The following NRP1 variants were observed in gnomAD, a reference collection of about 807,000 sequenced individuals.
The protein encoded by NRP1 is neuropilin 1.
Under a neutral mutation model 106.7 loss-of-function variants are expected in NRP1, and 35 were observed. The observed-to-expected ratio is 0.33, with a 90% CI of 0.25 to 0.43. NRP1 has a LOEUF of 0.43. Ranked by LOEUF, NRP1 falls within the 20% of genes least tolerant of loss-of-function variation. The probability of loss-of-function intolerance (pLI) is 1.00; values close to 1 mark genes in which losing one functional copy is unlikely to be tolerated. For synonymous variants in NRP1, 437 were observed against 417.9 expected (o/e 1.05, Z -0.56); for missense variants, 1,024 against 1,170.4 (o/e 0.87, Z 1.83).
chr10:33,257,905 G>C (rs764188712), intron 4 of NRP1, among the ~76,000 whole-genome samples: 1 of 152,180 alleles, frequency 6.6e-6, no homozygotes, highest in South Asian at 2.1e-4. Flanking sequence ...GGTGTGGACT[G>C]TTTTCCCCTC....
chr10:33,319,864 G>A (rs1449023419), intron 2 of NRP1, among the ~76,000 whole-genome samples: 2 of 151,630 alleles, frequency 1.3e-5, no homozygotes, highest in East Asian at 4.0e-4. Flanking sequence ...GGGATTGCAG[G>A]CCTGAGCCAC....
chr10:33,325,985 C>G (rs1847865489), intron 2 of NRP1, among the ~76,000 whole-genome samples: 5 of 152,196 alleles, frequency 3.3e-5, no homozygotes, highest in Admixed American at 3.3e-4. Context: ...CCCAATGCTA[C>G]CACCTTTTTA....
intron 2 of NRP1, among the ~76,000 whole-genome samples, chr10:33,317,802 G>T (rs898363190): frequency 6.6e-6 from 1 of 152,126 alleles, no homozygotes; most frequent in Non-Finnish European, 1.5e-5. Context: ...TCTTCAGAAG[G>T]CTGCCATTAT....
chr10:33,287,954 A>G (rs750197584), intron 2 of NRP1, among the ~76,000 whole-genome samples: 18 of 152,174 alleles, frequency 1.2e-4, no homozygotes, highest in Non-Finnish European at 2.1e-4. Context: ...AGCTGTCTCA[A>G]GATAGAGTGT....
chr10:33,282,114 A>G (rs1286132411), intron 2 of NRP1, among the ~76,000 whole-genome samples: 1 of 146,792 alleles, frequency 6.8e-6, no homozygotes. Context: ...AGCAATTTAT[A>G]TATACCATAG....
chr10:33,314,467 A>G (rs1366514469), intron 2 of NRP1, among the ~76,000 whole-genome samples: 2 of 152,236 alleles, frequency 1.3e-5, no homozygotes, highest in African/African-American at 2.4e-5. Flanking sequence ...AAATAGACAG[A>G]TAACAGAAAC....
chr10:33,332,235 T>G (rs1220111941), intron 1 of NRP1, among the ~76,000 whole-genome samples: 2 of 152,226 alleles, frequency 1.3e-5, no homozygotes, highest in Admixed American at 6.5e-5. Flanking sequence ...CTTATGCTGG[T>G]TTCCTTTGCA....
chr10:33,256,527 C>T, intron 4 of NRP1, 56 bp from the exon 5 acceptor site: 3 of 1,584,288 alleles, frequency 1.9e-6, no homozygotes, highest in Non-Finnish European at 2.6e-6. Flanking sequence ...GCAGCAGATG[C>T]AAGAATTAGC....
rs143901579 is a variant in NRP1, at chr10:33,224,273, G to A, written c.1137+1861C>T. Among the ~76,000 whole-genome samples the A allele has an allele frequency of 6.2e-3, 945 of 152,260 alleles. 15 individuals carry two copies. Among genetic ancestry groups the A allele is most frequent in the African/African-American group, 0.022 (906 of 41,552 alleles). On this transcript the variant is annotated intron_variant, in intron 7 of 16. Coordinates refer to ENST00000374867, the MANE Select transcript of NRP1 (RefSeq NM_003873.7). ...TGTGTGCCAGGGGTTCCCAGGGCAA[G>A]CTGGGGGCACTGTCAAACACCCCTG...
At chr10:33,330,045 G>A (rs757255156) in intron 2 of NRP1, among the ~76,000 whole-genome samples, 9 of 152,190 alleles carry the variant, frequency 5.9e-5, no homozygotes, top group Admixed American at 5.9e-4. Flanking sequence ...GACTAAGCAG[G>A]TGGATGAAAC....
chr10:33,278,246 C>T (rs1158034456), intron 2 of NRP1, among the ~76,000 whole-genome samples: 2 of 152,044 alleles, frequency 1.3e-5, no homozygotes, highest in Non-Finnish European at 2.9e-5. Context: ...CATTGAACTC[C>T]TTCGCCAATC....
intron 3 of NRP1, among the ~76,000 whole-genome samples, chr10:33,265,394 A>C (rs190283619): frequency 6.6e-6 from 1 of 152,328 alleles, no homozygotes; most frequent in East Asian, 1.9e-4. Context: ...GCAAGGATTC[A>C]ATTCTAAATA....
chr10:33,327,165 C>T (rs1050281435), intron 2 of NRP1, among the ~76,000 whole-genome samples: 5 of 152,114 alleles, frequency 3.3e-5, no homozygotes, highest in Admixed American at 3.3e-4. Context: ...CAGGGTGTAT[C>T]ATGTGCAAAT....
chr10:33,284,545 C>T (rs570322218), intron 2 of NRP1, among the ~76,000 whole-genome samples: 19 of 152,234 alleles, frequency 1.2e-4, no homozygotes, highest in African/African-American at 4.3e-4. Flanking sequence ...TTTAAAAATA[C>T]CCCATATTTC....
rs905490659 is a variant in NRP1 at position 33,299,504 on chromosome 10, C to T, written c.249-28648G>A. 1.4e-4 allele frequency among the ~76,000 whole-genome samples: 21 copies of T among 152,120 alleles called. 1 individual carries two copies. Among genetic ancestry groups the T allele is most frequent in the Admixed American group, 8.5e-4 (13 of 15,270 alleles). ...AAAAAATTTGTTACAGGTGACAGGG[C>T]GTGGTGGCTCACACCTGTAATGCCA... On this transcript the variant is annotated intron_variant, in intron 2 of 16. Transcript: ENST00000374867.
At position 33,214,804 on chromosome 10, in the gene NRP1, T is replaced by G. The variant is rs768729682; in HGVS notation, c.1283-1087A>C. On this transcript the variant is annotated intron_variant, in intron 8 of 16. Coordinates refer to ENST00000374867, the MANE Select transcript of NRP1 (RefSeq NM_003873.7). Reference sequence around the variant, plus strand: ...AAAGCAAAATGGTGGTTGCCAGGGCTTGGGGGAAATGGAGATTGGGAGAGT... The same window carrying G: ...AAAGCAAAATGGTGGTTGCCAGGGCGTGGGGGAAATGGAGATTGGGAGAGT... Among the ~76,000 whole-genome samples the G allele has an allele frequency of 9.4e-4, 143 of 152,092 alleles. 1 individual carries two copies. Among genetic ancestry groups the G allele is most frequent in the East Asian group, 9.6e-4 (5 of 5,188 alleles).
intron 15 of NRP1, among the ~76,000 whole-genome samples, 153 bp downstream of exon 15, chr10:33,185,475 T>A (rs1835940981): frequency 6.6e-6 from 1 of 152,212 alleles, no homozygotes; most frequent in African/African-American, 2.4e-5. Context: ...GCTGATTGTA[T>A]GCCCTGTTGC....
intron 2 of NRP1, among the ~76,000 whole-genome samples, chr10:33,285,592 A>G (rs902383140): frequency 1.3e-5 from 2 of 152,072 alleles, no homozygotes; most frequent in Admixed American, 1.3e-4. Flanking sequence ...GCACTTTGGG[A>G]GCTGAGGTGA....
At chr10:33,204,449 G>A (rs1837600823) in intron 10 of NRP1, among the ~76,000 whole-genome samples, 1 of 152,170 alleles carries the variant, frequency 6.6e-6, no homozygotes, top group East Asian at 1.9e-4. Context: ...TATTGCTCTT[G>A]CTGAAACAGT....
Sources: gnomAD v4.1 joint callset for allele counts (sites outside exome capture counted in the v4.1 genomes callset) on GRCh38, gnomAD v4.1.1 for gene constraint, MANE v1.5 for transcripts, NCBI Gene and HGNC (gene_info 2026-07-23, HGNC 2026-07-21) for gene names.